Variants in ZNF431 observed in about 807,000 individuals in gnomAD.
ZNF431 encodes zinc finger protein 431.
A neutral mutation model predicts 57.0 loss-of-function variants in ZNF431; 34 were observed. That is an observed-to-expected ratio of 0.60 (90% CI 0.45 to 0.79). The LOEUF (loss-of-function observed/expected upper bound fraction) is 0.79. Among genes scored for constraint, ZNF431 ranks in the 30% least tolerant of loss-of-function variants. The pLI, the probability that ZNF431 is intolerant of heterozygous loss-of-function variation, is 0.00. For synonymous variants in ZNF431, 207 were observed against 220.3 expected, an observed-to-expected ratio of 0.94 and a Z score of 0.54; for missense variants, 607 against 667.1, an observed-to-expected ratio of 0.91 and a Z score of 0.99.
intron 2 of ZNF431, among the ~76,000 whole-genome samples, chr19:21,151,761 A>G (rs1970280231): frequency 6.6e-6 from 1 of 152,236 alleles, no homozygotes; most frequent in Admixed American, 6.5e-5. Context: ...GAATACAGAA[A>G]GACAAATTTA....
chr19:21,150,927 T>C (rs191368544), intron 2 of ZNF431, among the ~76,000 whole-genome samples: 1 of 145,766 alleles, frequency 6.9e-6, no homozygotes, highest in Admixed American at 6.7e-5. Flanking sequence ...TTTTGGAGTT[T>C]CATGAGGAAA....
rs140073655 is a variant in ZNF431, at chr19:21,191,953, T to C, written c.*7919T>C. 2.0e-4 allele frequency: 30 copies of C among 152,366 alleles called. No individual in the cohort carries two copies. In the East Asian group the frequency reaches 5.4e-3, roughly 27 times the overall value. The allele number at this position is 152,366 out of a possible 1,614,324, so 9.4% of individuals were successfully genotyped here. On this transcript the variant is annotated 3_prime_UTR_variant, in exon 5 of 5. Transcript: ENST00000311048. ...TATACCTGTAGGTCATTTTGTGTAA[T>C]ACAAATATTAATGTCAGTTCATGAA...
At chr19:21,167,217 A>C (rs1409486201) in intron 3 of ZNF431, among the ~76,000 whole-genome samples, 1 of 151,030 alleles carries the variant, frequency 6.6e-6, no homozygotes. Flanking sequence ...GCTGGAGTGC[A>C]ATGCACTATC....
At chr19:21,174,519 A>G (rs151319307) in intron 4 of ZNF431, among the ~76,000 whole-genome samples, 152 of 152,298 alleles carry the variant, frequency 1.0e-3, no homozygotes, top group African/African-American at 3.5e-3. Context: ...GCTGTTACAT[A>G]CAAGCATATG....
At chr19:21,163,580 G>A (rs771866969) in intron 2 of ZNF431, among the ~76,000 whole-genome samples, 3 of 151,762 alleles carry the variant, frequency 2.0e-5, no homozygotes, top group Non-Finnish European at 4.4e-5. Context: ...GAAGTGTAAT[G>A]GCACGATCTC....
At chr19:21,149,259 T>C (rs971181850) in intron 2 of ZNF431, among the ~76,000 whole-genome samples, 2 of 152,228 alleles carry the variant, frequency 1.3e-5, no homozygotes, top group African/African-American at 4.8e-5. Flanking sequence ...GAACAATTTT[T>C]AAAAGTCAAA....
rs1164735675 is a variant in ZNF431 at position 21,185,981 on chromosome 19, C to G, written c.*1947C>G. The stretch of plus-strand genomic sequence containing the variant: ...TATAAATGAAATTCATTTCTAAATT[C>G]TTAATAAATATTTTCTCATGCCAGG... On this transcript the variant is annotated 3_prime_UTR_variant, in exon 5 of 5. Transcript: ENST00000311048. 6.6e-6 allele frequency: 1 copy of G among 151,844 alleles called. No individual in the cohort carries two copies. Among genetic ancestry groups the G allele is most frequent in the Non-Finnish European group, 1.5e-5 (1 of 67,960 alleles). The allele number at this position is 151,844 out of a possible 1,614,324, so 9.4% of individuals were successfully genotyped here. A position where few individuals can be genotyped will look rare whatever the true frequency, so the allele number is the denominator to read the frequency against.
chr19:21,149,847 T>C, intron 2 of ZNF431: 1 of 652,902 alleles, frequency 1.5e-6, no homozygotes, highest in Non-Finnish European at 2.8e-6. Context: ...ACGACAGTGG[T>C]GCAGGTCTTC....
In ZNF431 at chr19:21,189,666, C is replaced by T; in HGVS notation, c.*5632C>T. 3.0e-6 allele frequency: 1 copy of T among 335,944 alleles called. No homozygotes were observed. The highest frequency in any genetic ancestry group is 5.3e-6 in the Non-Finnish European group (1 of 189,190). 20.8% of individuals were successfully genotyped at this position (335,944 alleles called of 1,614,324 possible). ...ATTATTTCACAAACATGTTTCCAGC[C>T]TTCCATTTCTTATAAATAACTTGCA... is the stretch of plus-strand genomic sequence containing the variant. On this transcript the variant is annotated 3_prime_UTR_variant, in exon 5 of 5. Transcript: ENST00000311048.
At chr19:21,168,615 C>T (rs1257581302) in intron 4 of ZNF431, among the ~76,000 whole-genome samples, 2 of 152,144 alleles carry the variant, frequency 1.3e-5, no homozygotes, top group Non-Finnish European at 1.5e-5. Flanking sequence ...ATCTGCCCAC[C>T]TCGGCCTCCC....
chr19:21,184,283 GA>G lies in ZNF431; in HGVS notation c.*251del, dbSNP rs541552375. On this transcript the variant is annotated 3_prime_UTR_variant, in exon 5 of 5. Transcript: ENST00000311048. ...GATAATCACTTGAACCTGGGAGGTGGAAGTTGCAGTGAGCCAAGATTGTACC... is the reference window on the plus strand; with the variant it reads ...GATAATCACTTGAACCTGGGAGGTGGAGTTGCAGTGAGCCAAGATTGTACC... 3.6e-4 allele frequency: 118 copies of G among 325,434 alleles called. 1 individual carries two copies. Among genetic ancestry groups the G allele is most frequent in the African/African-American group, 2.1e-3 (97 of 47,012 alleles). The allele number at this position is 325,434 out of a possible 1,614,324, so 20.2% of individuals were successfully genotyped here.
rs1015363553 is a variant in ZNF431, at chr19:21,191,551, A to G, written c.*7517A>G. The stretch of plus-strand genomic sequence containing the variant: ...AGAGTGTCAGGCCTTACATTTAAGT[A>G]CTAATTTATTTCGAGTTTATTTTTA... On this transcript the variant is annotated 3_prime_UTR_variant, in exon 5 of 5. Coordinates refer to ENST00000311048, the MANE Select transcript of ZNF431 (RefSeq NM_133473.4). 1 of 152,146 alleles carries G rather than the reference A, an allele frequency of 6.6e-6. No homozygotes were observed. The highest frequency in any genetic ancestry group is 1.5e-5 in the Non-Finnish European group (1 of 68,042). The allele number at this position is 152,146 out of a possible 1,614,324, so 9.4% of individuals were successfully genotyped here.
chr19:21,153,495 A>G (rs187708699), intron 2 of ZNF431, among the ~76,000 whole-genome samples: 147 of 152,388 alleles, frequency 9.6e-4, no homozygotes, highest in Admixed American at 2.7e-3. Context: ...TTTCTAGAGA[A>G]CACAAAGGAT....
In ZNF431 at chr19:21,193,531, AAATT is replaced by A. The variant is rs1352843300; in HGVS notation, c.*9505_*9508del. ...AATGAGTGAAACTCCATCTCAAAAT[AAATT>A]AATTAATAAAATAAAAACCTGTGTC... On this transcript the variant is annotated 3_prime_UTR_variant, in exon 5 of 5. Coordinates refer to ENST00000311048, the MANE Select transcript of ZNF431 (RefSeq NM_133473.4). 9 of 152,202 alleles carry A rather than the reference AAATT, an allele frequency of 5.9e-5. No individual in the cohort carries two copies. Among genetic ancestry groups the A allele is most frequent in the African/African-American group, 1.9e-4 (8 of 41,438 alleles). The allele number at this position is 152,202 out of a possible 1,614,324, so 9.4% of individuals were successfully genotyped here. A position where few individuals can be genotyped will look rare whatever the true frequency, so the allele number is the denominator to read the frequency against.
At position 21,188,436 on chromosome 19, in the gene ZNF431, T is replaced by C. The variant is rs1317690658; in HGVS notation, c.*4402T>C. 6.6e-6 allele frequency: 1 copy of C among 152,170 alleles called. No individual in the cohort carries two copies. The highest frequency in any genetic ancestry group is 1.5e-5 in the Non-Finnish European group (1 of 68,030). The allele number at this position is 152,170 out of a possible 1,614,324, so 9.4% of individuals were successfully genotyped here. ...AAGAGAGTTAATGGTAAGTAAACAA[T>C]TTTAAAGTTAATTTTCTATGATATA... On this transcript the variant is annotated 3_prime_UTR_variant, in exon 5 of 5. Coordinates refer to ENST00000311048, the MANE Select transcript of ZNF431 (RefSeq NM_133473.4).
At chr19:21,149,344 T>G (rs1212340867) in intron 2 of ZNF431, among the ~76,000 whole-genome samples, 1 of 152,216 alleles carries the variant, frequency 6.6e-6, no homozygotes, top group African/African-American at 2.4e-5. Context: ...ATGTTTATAT[T>G]TTGAAGACTT....
chr19:21,142,506 C>T (rs1014097442), intron 1 of ZNF431, among the ~76,000 whole-genome samples: 1 of 152,226 alleles, frequency 6.6e-6, no homozygotes, highest in Non-Finnish European at 1.5e-5. Context: ...GGGGACAGTT[C>T]TGACTCGGGG....
chr19:21,167,990 A>G (rs1970772979), intron 4 of ZNF431, among the ~76,000 whole-genome samples: 1 of 152,130 alleles, frequency 6.6e-6, no homozygotes, highest in African/African-American at 2.4e-5. Context: ...GGACGCACAA[A>G]TATCTGTATA....
chr19:21,148,053 T>C (rs1434508679), intron 2 of ZNF431, among the ~76,000 whole-genome samples: 1 of 152,044 alleles, frequency 6.6e-6, no homozygotes, highest in Non-Finnish European at 1.5e-5. Context: ...TGGAGTGCTA[T>C]GGCAGGATCT....
Sources: gnomAD v4.1 joint callset for allele counts (sites outside exome capture counted in the v4.1 genomes callset) on GRCh38, gnomAD v4.1.1 for gene constraint, MANE v1.5 for transcripts, NCBI Gene and HGNC (gene_info 2026-07-23, HGNC 2026-07-21) for gene names.